The following FBXO38 variants were observed in gnomAD, a reference collection of about 807,000 sequenced individuals.
FBXO38 encodes the protein F-box protein 38.
In FBXO38, 53 loss-of-function variants were observed where a neutral mutation model predicts 131.9. The ratio of observed to expected loss-of-function variants is 0.40; its 90% CI spans 0.32 to 0.51. The LOEUF (loss-of-function observed/expected upper bound fraction) is 0.51. FBXO38 is among the 20% of genes least tolerant of loss of function. FBXO38 has a pLI of 0.53. For synonymous variants in FBXO38, 452 were observed against 505.6 expected (o/e 0.89, Z 1.42); for missense variants, 1,076 against 1,475.6 (o/e 0.73, Z 4.44).
chr5:148,431,984 C>T (rs1754066735), intron 15 of FBXO38, among the ~76,000 whole-genome samples: 1 of 152,156 alleles, frequency 6.6e-6, no homozygotes, highest in Non-Finnish European at 1.5e-5. Flanking sequence ...GTAAAAAAAT[C>T]ACTTAGGCTA....
At chr5:148,407,211 T>C (rs570685882) in intron 7 of FBXO38, among the ~76,000 whole-genome samples, 32 of 152,318 alleles carry the variant, frequency 2.1e-4, no homozygotes, top group Non-Finnish European at 4.4e-4. Flanking sequence ...GTATTTTGAT[T>C]GATGGCGATA....
In FBXO38 at chr5:148,412,920, G is replaced by A. The variant is rs74841869; in HGVS notation, c.1094-1216G>A. ...TAATATCATCAGGATTTTGAAAGGA[G>A]TGTGTCAAGCAGGAAGCCCCAAGAG... On this transcript the variant is annotated intron_variant, in intron 9 of 21. Transcript: ENST00000340253. Among the ~76,000 whole-genome samples, 789 of 152,168 alleles carry A rather than the reference G, an allele frequency of 5.2e-3. 7 individuals are homozygous for A. Among genetic ancestry groups the A allele is most frequent in the African/African-American group, 0.018 (732 of 41,544 alleles).
At chr5:148,409,086 G>C (rs779223469) in intron 7 of FBXO38, 38 bp from the exon 8 acceptor site, 1 of 1,145,834 alleles carries the variant, frequency 8.7e-7, no homozygotes. Flanking sequence ...CACTAAAAAT[G>C]CTATGGTCAA....
In FBXO38 at chr5:148,414,018, G is replaced by A. The variant is rs530267015; in HGVS notation, c.1094-118G>A. ...TTATACCTGAACCCAATGATAAGCA[G>A]ATGATACAGAATGATGGTAGAGACT... On this transcript the variant is annotated intron_variant, in intron 9 of 21. Transcript: ENST00000340253. The A allele has an allele frequency of 5.4e-5, 47 of 866,400 alleles. No homozygotes were observed. The African/African-American group carries it at 7.6e-4, about 14-fold the overall frequency. The allele number at this position is 866,400 out of a possible 1,614,324, so 53.7% of individuals were successfully genotyped here.
chr5:148,440,729 C>T (rs1157015733), intron 20 of FBXO38, among the ~76,000 whole-genome samples: 1 of 152,108 alleles, frequency 6.6e-6, no homozygotes, highest in Non-Finnish European at 1.5e-5. Context: ...TTTGGGCTTA[C>T]AGCAAGCAGT....
rs979056455 is a variant in FBXO38 at position 148,427,596 on chromosome 5, G to A, written c.2302G>A (p.Ala768Thr). The A allele has an allele frequency of 1.9e-6, 3 of 1,614,108 alleles. No individual in the cohort carries two copies. Among genetic ancestry groups the A allele is most frequent in the Non-Finnish European group, 2.5e-6 (3 of 1,180,046 alleles). The change falls in exon 15 of 22, where the codon GCA (alanine) becomes ACA (threonine). Residue 768 changes from alanine (A) to threonine (T), a missense_variant. By Grantham distance (58) the Ala-to-Thr change is moderately conservative. Transcript: ENST00000340253. ...CTCTGAGGCCATGGAGGAGGGAGATGCAGAGAGTTCTGTCTGCCCCAGATG... is the reference window on the plus strand; with the variant it reads ...CTCTGAGGCCATGGAGGAGGGAGATACAGAGAGTTCTGTCTGCCCCAGATG... ...EDSEAMEEGD[A>T]ESSVCPRCCC...
intron 1 of FBXO38, among the ~76,000 whole-genome samples, chr5:148,390,920 T>G (rs996652324): frequency 6.6e-6 from 1 of 152,194 alleles, no homozygotes; most frequent in Non-Finnish European, 1.5e-5. Context: ...AAAAAAAGCT[T>G]TTTATTAAAG....
At chr5:148,394,050 G>A (rs1758350422) in intron 1 of FBXO38, among the ~76,000 whole-genome samples, 1 of 152,080 alleles carries the variant, frequency 6.6e-6, no homozygotes, top group African/African-American at 2.4e-5. Context: ...ATGCAAAAGT[G>A]AAATACCATG....
intron 13 of FBXO38, among the ~76,000 whole-genome samples, chr5:148,425,064 A>G (rs899436194): frequency 6.6e-6 from 1 of 152,230 alleles, no homozygotes; most frequent in African/African-American, 2.4e-5. Context: ...TCTATACTCA[A>G]AGAATATGGA....
chr5:148,421,715 A>G (rs144134277), intron 12 of FBXO38, among the ~76,000 whole-genome samples: 14 of 152,292 alleles, frequency 9.2e-5, no homozygotes, highest in African/African-American at 2.9e-4. Flanking sequence ...ATATTTTCCA[A>G]CAAAGGAAAA....
At chr5:148,431,724 A>G (rs1019505408) in intron 15 of FBXO38, among the ~76,000 whole-genome samples, 1 of 152,166 alleles carries the variant, frequency 6.6e-6, no homozygotes, top group Non-Finnish European at 1.5e-5. Flanking sequence ...ATGTCAATGA[A>G]GATTGTTTGA....
intron 12 of FBXO38, chr5:148,423,784 C>A (rs1162517328): frequency 2.2e-5 from 7 of 324,686 alleles, no homozygotes; most frequent in Non-Finnish European, 4.0e-5. Context: ...AACAAATGAT[C>A]CTTTCCCATC....
intron 9 of FBXO38, chr5:148,413,604 AGCCCAGT>A (rs1752892796): frequency 6.6e-6 from 1 of 152,198 alleles, no homozygotes; most frequent in African/African-American, 2.4e-5. Context: ...TAGGCACTAA[AGCCCAGT>A]GGCATGTGTT....
chr5:148,428,231 C>A (rs573323111), intron 15 of FBXO38, among the ~76,000 whole-genome samples: 1 of 152,246 alleles, frequency 6.6e-6, no homozygotes, highest in African/African-American at 2.4e-5. Flanking sequence ...GACACCTAAG[C>A]CCCAGTAGAT....
chr5:148,406,046 C>A (rs919720824), intron 6 of FBXO38, among the ~76,000 whole-genome samples: 1 of 152,218 alleles, frequency 6.6e-6, no homozygotes, highest in African/African-American at 2.4e-5. Context: ...TACTACATAT[C>A]TCTACAGTGT....
intron 14 of FBXO38, among the ~76,000 whole-genome samples, chr5:148,426,123 A>G (rs888805942): frequency 2.0e-5 from 3 of 152,184 alleles, no homozygotes; most frequent in African/African-American, 7.2e-5. Flanking sequence ...GTCCTAAAGC[A>G]TATTTTTATA....
At chr5:148,385,487 C>A (rs1224416233) in intron 1 of FBXO38, among the ~76,000 whole-genome samples, 1 of 152,226 alleles carries the variant, frequency 6.6e-6, no homozygotes, top group Non-Finnish European at 1.5e-5. Flanking sequence ...CTGCTTCACA[C>A]TGGTACATCC....
At position 148,394,787 on chromosome 5, in the gene FBXO38, G is replaced by A. The variant is rs148337492; in HGVS notation, c.11G>A (p.Arg4Gln). ...GGAGACTGCACAACAATGGGGCCAC[G>A]AAAGAAAAGTGTGAAAACATGTATC... MGPRKKSVKTCIMN... is the reference protein window; with the variant it reads MGPQKKSVKTCIMN... The change falls in exon 2 of 22, where the codon CGA (arginine) becomes CAA (glutamine). Residue 4 changes from arginine (R) to glutamine (Q), a missense_variant. By Grantham distance (43) the Arg-to-Gln change is conservative. Transcript: ENST00000340253. 92 of 1,573,276 alleles carry A rather than the reference G, an allele frequency of 5.8e-5. No individual in the cohort carries two copies. Among genetic ancestry groups the A allele is most frequent in the Non-Finnish European group, 7.4e-5 (86 of 1,160,736 alleles).
intron 5 of FBXO38, among the ~76,000 whole-genome samples, chr5:148,403,377 A>T (rs1389346058): frequency 6.6e-6 from 1 of 152,080 alleles, no homozygotes; most frequent in Non-Finnish European, 1.5e-5. Context: ...ATGGGCAGTT[A>T]TGTCCTTTGT....
Sources: allele counts gnomAD v4.1 joint callset (sites outside exome capture counted in the v4.1 genomes callset), GRCh38; gene constraint gnomAD v4.1.1; transcripts MANE v1.5; gene names NCBI Gene and HGNC (gene_info 2026-07-23, HGNC 2026-07-21).